PLEKHA6: variants seen among roughly 807,000 people sequenced by gnomAD.
PLEKHA6 encodes pleckstrin homology domain containing A6, also known as pleckstrin homology domain-containing family A member 6.
In PLEKHA6, 60 loss-of-function variants were observed where a neutral mutation model predicts 116.7. The ratio of observed to expected loss-of-function variants is 0.51; its 90% confidence interval spans 0.42 to 0.64. PLEKHA6 has a LOEUF of 0.64. PLEKHA6 is among the 30% of genes least tolerant of loss of function. PLEKHA6 has a pLI of 0.00. For missense variants in PLEKHA6, 1,338 were observed against 1,422.7 expected (o/e 0.94, Z 0.96); for synonymous variants, 489 against 556.1 (o/e 0.88, Z 1.70).
At chr1:204,318,049 T>C (rs1272965835) in intron 1 of PLEKHA6, among the ~76,000 whole-genome samples, 2 of 152,212 alleles carry the variant, frequency 1.3e-5, no homozygotes, top group African/African-American at 2.4e-5. Context: ...CGTGCGTGCA[T>C]GAATATCTTT....
intron 1 of PLEKHA6, among the ~76,000 whole-genome samples, chr1:204,345,007 C>T (rs549671969): frequency 6.6e-6 from 1 of 152,184 alleles, no homozygotes. Flanking sequence ...AGCGACTTAC[C>T]GAGCACCAAC....
rs1659700021 is a variant in PLEKHA6, at chr1:204,222,040, C to CTCTCTCTCTCTCTA, written c.*747_*748insTAGAGAGAGAGAGA. The CTCTCTCTCTCTCTA allele has an allele frequency of 6.5e-6, 1 of 153,406 alleles. No homozygotes were observed. The highest frequency in any genetic ancestry group is 1.4e-5 in the Non-Finnish European group (1 of 69,120). The allele number at this position is 153,406 out of a possible 1,614,324, so 9.5% of individuals were successfully genotyped here. On this transcript the variant is annotated 3_prime_UTR_variant, in exon 23 of 23. Coordinates refer to ENST00000272203, the MANE Select transcript of PLEKHA6 (RefSeq NM_014935.5). ...TGAGGATCTCTCTCTCTCTCTCTCT[C>CTCTCTCTCTCTCTA]TCTCTCTCTTTCTGTCTCTCTCTCT...
At chr1:204,314,555 A>G (rs1671782353) in intron 1 of PLEKHA6, among the ~76,000 whole-genome samples, 1 of 152,174 alleles carries the variant, frequency 6.6e-6, no homozygotes, top group Non-Finnish European at 1.5e-5. Context: ...CTGGAGGGGA[A>G]TAGACAGACA....
At chr1:204,359,487 G>A (rs1673508641) in intron 1 of PLEKHA6, 1 of 358,716 alleles carries the variant, frequency 2.8e-6, no homozygotes. Flanking sequence ...TCTGGAGGTG[G>A]GGGTGGGGGC....
At chr1:204,255,583 A>T (rs1665168625) in intron 9 of PLEKHA6, 1 of 701,152 alleles carries the variant, frequency 1.4e-6, no homozygotes. Context: ...GAGATGCGAC[A>T]GGAAGGCAGT....
Position 204,259,823 on chromosome 1 carries a change from G to A in PLEKHA6, c.525-83C>T. The A allele has an allele frequency of 1.4e-6, 2 of 1,438,052 alleles. No homozygotes were observed. Among genetic ancestry groups the A allele is most frequent in the South Asian group, 1.4e-5 (1 of 72,916 alleles). The allele number at this position is 1,438,052 out of a possible 1,614,324, so 89.1% of individuals were successfully genotyped here. ...GGGGGTGCCAGACTGGGAAGAAGAGGAGTGGGGAAGGATGGGCAGGGAGGT... is the reference window on the plus strand; with the variant it reads ...GGGGGTGCCAGACTGGGAAGAAGAGAAGTGGGGAAGGATGGGCAGGGAGGT... On this transcript the variant is annotated intron_variant, in intron 7 of 22. Coordinates refer to ENST00000272203, the MANE Select transcript of PLEKHA6 (RefSeq NM_014935.5). This position sits in a 1 kb window ranked among gnomAD's most constrained non-coding sequence, Gnocchi z 4.6.
At position 204,248,902 on chromosome 1, in the gene PLEKHA6, G is replaced by T; in HGVS notation, c.1743C>A (p.Tyr581Ter). ...CCTTTTTGTGTCGCAGCTTTTCTGG[G>T]TAGGCGGGCTGGCTTCCAAACATCT... ...ELEMFGSQPAYPEKLRHKKDS... is the reference protein window; with the variant it reads ...ELEMFGSQPA Residue 581 changes from tyrosine to a stop codon, truncating the protein, a stop_gained, in exon 12 of 23, where the codon TAC becomes TAA. Transcript: ENST00000272203. LOFTEE classifies it high-confidence loss of function. The T allele has an allele frequency of 6.2e-7, 1 of 1,614,088 alleles. No homozygotes were observed.
intron 1 of PLEKHA6, among the ~76,000 whole-genome samples, chr1:204,334,558 A>G (rs1672573812): frequency 6.6e-6 from 1 of 152,090 alleles, no homozygotes; most frequent in Non-Finnish European, 1.5e-5. Flanking sequence ...TAATATATCT[A>G]CCACTTCACA....
chr1:204,249,701 CTGTT>C (rs1664277854), intron 10 of PLEKHA6, among the ~76,000 whole-genome samples: 1 of 152,152 alleles, frequency 6.6e-6, no homozygotes, highest in Non-Finnish European at 1.5e-5. Flanking sequence ...TCTCAAGATC[CTGTT>C]CTTCCCTCCT....
At chr1:204,265,097 G>A (rs4073136) in intron 5 of PLEKHA6, 55 bp from the exon 6 acceptor site, 611,941 of 1,222,206 alleles carry the variant, frequency 0.5, 153,788 homozygotes, top group Admixed American at 0.56. Context: ...AAGCGTGTGC[G>A]TGCGCCAGGG....
At chr1:204,289,193 A>G (rs532226083) in intron 1 of PLEKHA6, among the ~76,000 whole-genome samples, 1 of 152,200 alleles carries the variant, frequency 6.6e-6, no homozygotes, top group Non-Finnish European at 1.5e-5. Flanking sequence ...GAACTCAATA[A>G]GCCTATATTT....
At chr1:204,263,741 TGTGG>T (rs1666433860) in intron 6 of PLEKHA6, among the ~76,000 whole-genome samples, 1 of 150,254 alleles carries the variant, frequency 6.7e-6, no homozygotes, top group Admixed American at 6.6e-5. Context: ...TGATTGTGTG[TGTGG>T]GTGTGTGTGT....
At chr1:204,275,408 G>A (rs1214708178) in intron 1 of PLEKHA6, among the ~76,000 whole-genome samples, 1 of 152,174 alleles carries the variant, frequency 6.6e-6, no homozygotes, top group Non-Finnish European at 1.5e-5. Context: ...AGACCTCAGG[G>A]GCTGTCAGGC....
Position 204,264,965 on chromosome 1 carries a change from T to C in PLEKHA6, c.358A>G (p.Ile120Val). ...RVAAVQPSDN[I>V]SRKHTFKAEH... ...ACCTTAAACGTGTGTTTCCGGCTGA[T>C]GTTGTCTGAGGGCTGCACTGCGGCT... Residue 120 changes from isoleucine (I) to valine (V), a missense_variant, in exon 6 of 23, where the codon ATC (isoleucine) becomes GTC (valine). By Grantham distance (29) the Ile-to-Val change is conservative. Coordinates refer to ENST00000272203, the MANE Select transcript of PLEKHA6 (RefSeq NM_014935.5). The C allele has an allele frequency of 6.2e-7, 1 of 1,613,600 alleles. No homozygotes were observed. The highest frequency in any genetic ancestry group is 8.5e-7 in the Non-Finnish European group (1 of 1,179,576).
intron 5 of PLEKHA6, 134 bp downstream of exon 5, chr1:204,267,341 G>A: frequency 1.4e-6 from 1 of 736,196 alleles, no homozygotes; most frequent in South Asian, 1.5e-5. Flanking sequence ...TGCTGCCACT[G>A]GTGCCAGGAC....
chr1:204,268,290 GC>G lies in PLEKHA6; in HGVS notation c.124del (p.Ala42ProfsTer11). On this transcript the variant is annotated frameshift_variant, in exon 4 of 23. Transcript: ENST00000272203. LOFTEE classifies it high-confidence loss of function. Reference protein sequence around the residue: ...SVRATRTARKAVAFGKRSHSM... With the variant: ...SVRATRTARKXVAFGKRSHSM... ...GTGTGAGCGCTTGCCAAAGGCGACG[GC>G]TTTGCGGGCTGTGCGAGTTGCCTGG... is the stretch of plus-strand genomic sequence containing the variant. The G allele has an allele frequency of 2.5e-6, 4 of 1,609,686 alleles. No homozygotes were observed. The highest frequency in any genetic ancestry group is 1.7e-6 in the Non-Finnish European group (2 of 1,177,944).
chr1:204,286,050 TC>T (rs1224578578), intron 1 of PLEKHA6, among the ~76,000 whole-genome samples: 1 of 152,042 alleles, frequency 6.6e-6, no homozygotes, highest in African/African-American at 2.4e-5. Flanking sequence ...GATTCTTCCT[TC>T]CCTGCACCTC....
chr1:204,342,686 A>C (rs1227717757), intron 1 of PLEKHA6, among the ~76,000 whole-genome samples: 1 of 152,222 alleles, frequency 6.6e-6, no homozygotes, highest in Non-Finnish European at 1.5e-5. Context: ...TTTGTCTGTG[A>C]AAACAGTCAC....
chr1:204,374,498 T>C (rs1159226192), intron 1 of PLEKHA6, among the ~76,000 whole-genome samples: 1 of 152,078 alleles, frequency 6.6e-6, no homozygotes, highest in Admixed American at 6.6e-5. Flanking sequence ...CCACCAAAAC[T>C]TACCCAGATT....
Sources: gnomAD v4.1 joint callset for allele counts (sites outside exome capture counted in the v4.1 genomes callset) on GRCh38, gnomAD v4.1.1 for gene constraint, Gnocchi (gnomAD v3.1) non-coding constraint, MANE v1.5 for transcripts, NCBI Gene and HGNC (gene_info 2026-07-23, HGNC 2026-07-21) for gene names.